Variants in CCDC91 observed in about 807,000 individuals in gnomAD.
CCDC91 encodes the protein coiled-coil domain containing 91.
A neutral mutation model predicts 63.2 loss-of-function variants in CCDC91; 48 were observed. That is an observed-to-expected ratio of 0.76 (90% CI 0.60 to 0.97). CCDC91 has a LOEUF of 0.97. CCDC91 is among the 50% of genes least tolerant of loss of function. CCDC91 has a pLI of 0.00. For synonymous variants in CCDC91, 167 were observed against 165.8 expected (o/e 1.01, Z -0.06); for missense variants, 500 against 494.6 (o/e 1.01, Z -0.10).
intron 12 of CCDC91, among the ~76,000 whole-genome samples, chr12:28,495,609 C>G (rs182119003): frequency 1.3e-4 from 19 of 151,854 alleles, no homozygotes; most frequent in African/African-American, 4.6e-4. Context: ...TTCACAGACA[C>G]TGACTTTTAC....
intron 3 of CCDC91, among the ~76,000 whole-genome samples, chr12:28,290,962 A>G (rs1592219267): frequency 6.6e-6 from 1 of 152,298 alleles, no homozygotes; most frequent in East Asian, 1.9e-4. Context: ...AACATTCTTT[A>G]TATGAAGGTA....
chr12:28,433,181 G>A (rs1592659889), intron 8 of CCDC91, among the ~76,000 whole-genome samples: 1 of 151,656 alleles, frequency 6.6e-6, no homozygotes. Context: ...TCATTCTCCT[G>A]ACACTATCTT....
chr12:28,512,649 T>C (rs1473532425), intron 12 of CCDC91, among the ~76,000 whole-genome samples: 1 of 151,896 alleles, frequency 6.6e-6, no homozygotes, highest in Non-Finnish European at 1.5e-5. Context: ...ATGGTGACCA[T>C]ATGGCCTACT....
intron 8 of CCDC91, among the ~76,000 whole-genome samples, chr12:28,435,016 C>G (rs1369483977): frequency 1.3e-5 from 2 of 151,642 alleles, no homozygotes; most frequent in African/African-American, 4.8e-5. Context: ...TTTGTGCCGT[C>G]TCTCTTTTCC....
chr12:28,287,204 T>C (rs1229069140), intron 3 of CCDC91, among the ~76,000 whole-genome samples: 3 of 152,284 alleles, frequency 2.0e-5, no homozygotes, highest in African/African-American at 7.2e-5. Flanking sequence ...AGAAGCCCTT[T>C]AGTTTAATTA....
rs770268615 is a variant in CCDC91, at chr12:28,306,871, C to T, written c.397C>T (p.Gln133Ter). The change falls in exon 5 of 13, where the codon CAG becomes TAG. Residue 133 changes from glutamine (Q) to a stop codon, truncating the protein, a stop_gained. Transcript: ENST00000536442. LOFTEE classifies it high-confidence loss of function. ...EDPGANVSNIQLQQKISSLEI... is the reference protein window; with the variant it reads ...EDPGANVSNI ...TCCTGGAGCCAATGTATCTAACATA[C>T]AGCTTCAGCAAAAAATTTCAAGTCT... 4 of 1,612,076 alleles carry T rather than the reference C, an allele frequency of 2.5e-6. No homozygotes were observed. The highest frequency in any genetic ancestry group is 1.1e-5 in the South Asian group (1 of 90,988).
At chr12:28,474,637 T>A (rs545150137) in intron 11 of CCDC91, among the ~76,000 whole-genome samples, 1 of 152,156 alleles carries the variant, frequency 6.6e-6, no homozygotes, top group African/African-American at 2.4e-5. Flanking sequence ...ACTAAAAATA[T>A]CTATGTGTTA....
At chr12:28,373,307 G>A (rs1306718058) in intron 7 of CCDC91, among the ~76,000 whole-genome samples, 1 of 152,000 alleles carries the variant, frequency 6.6e-6, no homozygotes, top group Non-Finnish European at 1.5e-5. Context: ...TTCTAGGTGT[G>A]TGTCTTTTCA....
At chr12:28,470,945 G>A (rs1160835197) in intron 11 of CCDC91, among the ~76,000 whole-genome samples, 1 of 151,976 alleles carries the variant, frequency 6.6e-6, no homozygotes, top group Non-Finnish European at 1.5e-5. Flanking sequence ...GGAAAAGAGT[G>A]TAAAAGTCGA....
At chr12:28,350,711 T>C (rs1943123547) in intron 6 of CCDC91, among the ~76,000 whole-genome samples, 1 of 152,218 alleles carries the variant, frequency 6.6e-6, no homozygotes, top group African/African-American at 2.4e-5. Context: ...CTGAACTCTT[T>C]CCTGGGAAAC....
intron 8 of CCDC91, among the ~76,000 whole-genome samples, chr12:28,449,076 T>G (rs1320428458): frequency 1.3e-5 from 2 of 152,104 alleles, no homozygotes; most frequent in African/African-American, 4.8e-5. Flanking sequence ...GATTTGTTTT[T>G]AAGGAAAAAC....
At chr12:28,420,238 A>T (rs1474323683) in intron 8 of CCDC91, among the ~76,000 whole-genome samples, 4 of 152,160 alleles carry the variant, frequency 2.6e-5, no homozygotes, top group Non-Finnish European at 5.9e-5. Context: ...ATAACAATGC[A>T]TTCTGTTATG....
chr12:28,319,916 A>ATCCCTG (rs1445319735), intron 6 of CCDC91, among the ~76,000 whole-genome samples: 3 of 151,898 alleles, frequency 2.0e-5, no homozygotes, highest in African/African-American at 7.2e-5. Context: ...CAGTACCTAC[A>ATCCCTG]GATGCAGAGG....
chr12:28,297,528 G>C (rs1949629032), intron 3 of CCDC91, among the ~76,000 whole-genome samples: 1 of 151,824 alleles, frequency 6.6e-6, no homozygotes, highest in African/African-American at 2.4e-5. Context: ...CTAAATCTTA[G>C]AACACCAAGG....
At chr12:28,262,656 T>C (rs1946901440) in intron 3 of CCDC91, among the ~76,000 whole-genome samples, 1 of 152,030 alleles carries the variant, frequency 6.6e-6, no homozygotes. Flanking sequence ...AATTAATGAA[T>C]TGTCAGTAAG....
intron 1 of CCDC91, among the ~76,000 whole-genome samples, chr12:28,217,727 CTA>C (rs1943656159): frequency 6.6e-6 from 1 of 151,398 alleles, no homozygotes; most frequent in Non-Finnish European, 1.5e-5. Flanking sequence ...GGATAAAACT[CTA>C]TGTAATCATT....
chr12:28,250,984 G>A (rs1946085032), intron 1 of CCDC91, among the ~76,000 whole-genome samples: 1 of 125,438 alleles, frequency 8.0e-6, no homozygotes, highest in Non-Finnish European at 1.7e-5. Flanking sequence ...GTGTGTGTGT[G>A]TGTGTATTTC....
chr12:28,406,880 G>C (rs1946987234), intron 8 of CCDC91, among the ~76,000 whole-genome samples: 1 of 149,346 alleles, frequency 6.7e-6, no homozygotes, highest in African/African-American at 2.4e-5. Flanking sequence ...TTTACCAGTG[G>C]ATTTCTTTTG....
intron 3 of CCDC91, among the ~76,000 whole-genome samples, chr12:28,266,388 T>G (rs1483126339): frequency 6.6e-6 from 1 of 152,016 alleles, no homozygotes; most frequent in East Asian, 1.9e-4. Context: ...AACAATTCTT[T>G]GAGATTTTGA....
Sources: gnomAD v4.1 joint callset for allele counts (sites outside exome capture counted in the v4.1 genomes callset) on GRCh38, gnomAD v4.1.1 for gene constraint, MANE v1.5 for transcripts, NCBI Gene and HGNC (gene_info 2026-07-23, HGNC 2026-07-21) for gene names.